The following CDK2 variants were observed in gnomAD, a reference collection of about 807,000 sequenced individuals.
The protein encoded by CDK2 is cyclin dependent kinase 2.
In CDK2, 8 loss-of-function variants were observed where a neutral mutation model predicts 35.0. That is an observed-to-expected ratio of 0.23 (90% CI 0.13 to 0.41). The LOEUF is 0.41. Ranked by LOEUF, CDK2 falls within the 10% of genes least tolerant of loss-of-function variation. CDK2 has a pLI of 1.00. For missense variants in CDK2, 201 were observed against 367.1 expected (o/e 0.55, Z 3.70); for synonymous variants, 134 against 137.7 (o/e 0.97, Z 0.19).
chr12:55,969,023 A>C, intron 4 of CDK2, 75 bp downstream of exon 4: 1 of 1,132,634 alleles, frequency 8.8e-7, no homozygotes, highest in South Asian at 1.6e-5. Context: ...GTTACTAAAA[A>C]TATCTGGCTA....
At chr12:55,968,376 G>T (rs75012426) in intron 3 of CDK2, 1 of 568,020 alleles carries the variant, frequency 1.8e-6, no homozygotes. Flanking sequence ...TGAAACTCTA[G>T]TGAGTCAACC....
At chr12:55,969,083 A>G (rs1592783641) in intron 4 of CDK2, 135 bp downstream of exon 4, 1 of 669,868 alleles carries the variant, frequency 1.5e-6, no homozygotes, top group African/African-American at 1.8e-5. Context: ...AAAGAGTCTT[A>G]GGGTATGCAT....
chr12:55,970,647 GA>G (rs1185499074), intron 5 of CDK2: 1 of 702,246 alleles, frequency 1.4e-6, no homozygotes, highest in South Asian at 1.5e-5. Context: ...GAACACAGAA[GA>G]AATGGAAGAC....
intron 5 of CDK2, chr12:55,969,804 C>A (rs747722880): frequency 5.6e-6 from 2 of 359,786 alleles, no homozygotes; most frequent in Non-Finnish European, 9.9e-6. Context: ...ATCTCTTATC[C>A]CTGAAATAAG....
In CDK2 at chr12:55,966,865, G is replaced by A. The variant is rs1221174091; in HGVS notation, c.-144G>A. 1 of 858,654 alleles carries A rather than the reference G, an allele frequency of 1.2e-6. No homozygotes were observed. Among genetic ancestry groups the A allele is most frequent in the Non-Finnish European group, 1.8e-6 (1 of 565,806 alleles). 53.2% of individuals were successfully genotyped at this position (858,654 alleles called of 1,614,324 possible). On this transcript the variant is annotated 5_prime_UTR_variant, in exon 1 of 7. Transcript: ENST00000266970. ...GTTGGCCAAATTGACAAGAGCGAGA[G>A]GTATACTGCGTTCCATCCCGACCCG...
In CDK2 at chr12:55,972,406, T is replaced by G. The variant is rs1488100887; in HGVS notation, c.*781T>G. On this transcript the variant is annotated 3_prime_UTR_variant, in exon 7 of 7. Coordinates refer to ENST00000266970, the MANE Select transcript of CDK2 (RefSeq NM_001798.5). The stretch of plus-strand genomic sequence containing the variant: ...GTTGCCAAGGATCCCTGATCCCATT[T>G]TCCTCTGACGTCCACCTCCTACCCC... The G allele has an allele frequency of 2.6e-5, 4 of 152,214 alleles. No individual in the cohort carries two copies. Among genetic ancestry groups the G allele is most frequent in the Non-Finnish European group, 5.9e-5 (4 of 68,040 alleles). The allele number at this position is 152,214 out of a possible 1,614,324, so 9.4% of individuals were successfully genotyped here. A position where few individuals can be genotyped will look rare whatever the true frequency, so the allele number is the denominator to read the frequency against.
intron 5 of CDK2, among the ~76,000 whole-genome samples, chr12:55,970,411 T>C (rs1565781550): frequency 1.3e-5 from 2 of 149,006 alleles, no homozygotes; most frequent in Non-Finnish European, 3.0e-5. Context: ...TCCTTTAATA[T>C]AACAGTACAG....
chr12:55,969,189 A>G (rs563033651), intron 4 of CDK2, among the ~76,000 whole-genome samples: 1 of 152,188 alleles, frequency 6.6e-6, no homozygotes, highest in South Asian at 2.1e-4. Flanking sequence ...GGAGTTCGAG[A>G]CCATCATGGG....
Position 55,966,874 on chromosome 12 carries a change from C to T in CDK2, c.-135C>T. 1.2e-6 allele frequency: 1 copy of T among 863,570 alleles called. No homozygotes were observed. The highest frequency in any genetic ancestry group is 1.8e-6 in the Non-Finnish European group (1 of 565,800). 53.5% of individuals were successfully genotyped at this position (863,570 alleles called of 1,614,324 possible). A position where few individuals can be genotyped will look rare whatever the true frequency, so the allele number is the denominator to read the frequency against. On this transcript the variant is annotated 5_prime_UTR_variant, in exon 1 of 7. Transcript: ENST00000266970. ...ATTGACAAGAGCGAGAGGTATACTG[C>T]GTTCCATCCCGACCCGGGGCCACGG...
intron 3 of CDK2, 73 bp downstream of exon 3, chr12:55,968,242 AT>A: frequency 6.4e-7 from 1 of 1,571,394 alleles, no homozygotes. Context: ...TCAGGGTGAT[AT>A]TTTATGATTT....
At chr12:55,968,330 T>G (rs552071819) in intron 3 of CDK2, 161 bp downstream of exon 3, 3 of 716,600 alleles carry the variant, frequency 4.2e-6, no homozygotes, top group South Asian at 1.9e-5. Context: ...GCTCATTATA[T>G]TCATTAACCC....
intron 5 of CDK2, 44 bp downstream of exon 5, chr12:55,969,620 T>C (rs1310678670): frequency 1.8e-6 from 2 of 1,094,262 alleles, no homozygotes; most frequent in African/African-American, 3.2e-5. Flanking sequence ...CTCCCTCTCC[T>C]CCCCACATCC....
At chr12:55,971,322 A>G in intron 6 of CDK2, 75 bp downstream of exon 6, 1 of 1,433,784 alleles carries the variant, frequency 7.0e-7, no homozygotes, top group Non-Finnish European at 9.8e-7. Context: ...GAAGGATGAG[A>G]CCCTGAAATC....
chr12:55,970,756 A>T (rs1354868075), intron 5 of CDK2: 1 of 700,762 alleles, frequency 1.4e-6, no homozygotes. Context: ...GTGGCTTGGG[A>T]TACCTTTGCT....
At chr12:55,967,797 TGG>T (rs1036197560) in intron 1 of CDK2, 58 bp from the exon 2 acceptor site, 4 of 1,392,662 alleles carry the variant, frequency 2.9e-6, no homozygotes, top group Non-Finnish European at 4.1e-6. Context: ...AATGACTAGG[TGG>T]GGGGGAAAGG....
At chr12:55,967,994 T>C (rs1889377703) in intron 2 of CDK2, 55 bp from the exon 3 acceptor site, 1 of 1,613,678 alleles carries the variant, frequency 6.2e-7, no homozygotes, top group South Asian at 1.1e-5. Context: ...GTCTGTACAG[T>C]GTGGGCATTT....
At chr12:55,970,791 T>TCC in intron 5 of CDK2, 1 of 698,110 alleles carries the variant, frequency 1.4e-6, no homozygotes, top group South Asian at 1.5e-5. Flanking sequence ...CCCCAGACAT[T>TCC]CACCCCCTCC....
intron 2 of CDK2, 26 bp from the exon 3 acceptor site, chr12:55,968,023 C>A (rs1462016222): frequency 6.2e-7 from 1 of 1,614,028 alleles, no homozygotes; most frequent in Non-Finnish European, 8.5e-7. Flanking sequence ...CACACACCTC[C>A]ATTTCCTCAA....
At position 55,972,001 on chromosome 12, in the gene CDK2, C is replaced by T. The variant is rs2136462304; in HGVS notation, c.*376C>T. 1 of 189,218 alleles carries T rather than the reference C, an allele frequency of 5.3e-6. No individual in the cohort carries two copies. The highest frequency in any genetic ancestry group is 5.7e-5 in the Admixed American group (1 of 17,494). 11.7% of individuals were successfully genotyped at this position (189,218 alleles called of 1,614,324 possible). The stretch of plus-strand genomic sequence containing the variant: ...GTTTGGGATGACCAGGATCCCAAGC[C>T]TCCTGCTGCCACAATGTTTATAAAG... On this transcript the variant is annotated 3_prime_UTR_variant, in exon 7 of 7. Coordinates refer to ENST00000266970, the MANE Select transcript of CDK2 (RefSeq NM_001798.5).
Sources: allele counts gnomAD v4.1 joint callset (sites outside exome capture counted in the v4.1 genomes callset), GRCh38; gene constraint gnomAD v4.1.1; transcripts MANE v1.5; gene names NCBI Gene and HGNC (gene_info 2026-07-23, HGNC 2026-07-21).